HES7: variants seen among roughly 807,000 people sequenced by gnomAD.
The protein encoded by HES7 is hes family bHLH transcription factor 7, also known as transcription factor HES-7.
A neutral mutation model predicts 18.0 loss-of-function variants in HES7; 8 were observed. That is an observed-to-expected ratio of 0.45 (90% CI 0.26 to 0.80). HES7 has a LOEUF of 0.80. HES7 is among the 30% of genes least tolerant of loss of function. The probability of loss-of-function intolerance (pLI) is 0.18; values close to 1 mark genes in which losing one functional copy is unlikely to be tolerated. For synonymous variants in HES7, 170 were observed against 158.6 expected (o/e 1.07, Z -0.54); for missense variants, 356 against 340.9 (o/e 1.04, Z -0.35).
chr17:8,125,826 TTTTC>T (rs1188329821), upstream of HES7, among the ~76,000 whole-genome samples: 1 of 152,238 alleles, frequency 6.6e-6, no homozygotes, highest in African/African-American at 2.4e-5. Context: ...ACGAGTACAG[TTTTC>T]TTTTCTCCCC....
upstream of HES7, chr17:8,124,164 G>A: frequency 6.4e-7 from 1 of 1,561,432 alleles, no homozygotes; most frequent in Non-Finnish European, 8.8e-7. Context: ...AGGAGGGATA[G>A]GACCCGACCC....
In HES7 at chr17:8,123,039, G is replaced by T. The variant is rs781290618; in HGVS notation, c.130C>A (p.Arg44=). 2 of 1,598,222 alleles carry T rather than the reference G, an allele frequency of 1.3e-6. No homozygotes were observed. The highest frequency in any genetic ancestry group is 8.5e-7 in the Non-Finnish European group (1 of 1,172,530). Residue 44 remains arginine, a synonymous_variant, in exon 2 of 4, where the codon CGG becomes AGG. Transcript: ENST00000541682. This position sits in a 1 kb window ranked among gnomAD's most constrained non-coding sequence, Gnocchi z 5.9. ...ELRLLLLERT[R]DQNLRNPKLE... ...CTAGCGGAGGGACTGACCTGGTCCC[G>T]GGTCCGCTCCAGCAGCAGCAGCCTC...
At position 8,122,437 on chromosome 17, in the gene HES7, A is replaced by T; in HGVS notation, c.139-7T>A. 14 of 1,560,132 alleles carry T rather than the reference A, an allele frequency of 9.0e-6. No homozygotes were observed. The highest frequency in any genetic ancestry group is 1.2e-5 in the Non-Finnish European group (14 of 1,148,752). On this transcript the variant is annotated splice_polypyrimidine_tract_variant and splice_region_variant and intron_variant, in intron 2 of 3. Transcript: ENST00000541682. This position sits in a 1 kb window ranked among gnomAD's most constrained non-coding sequence, Gnocchi z 6.9. ...GCTTCGGGTTCCGGAGGTTCTACAG[A>T]CGGGAGGGGAGGGCGCAGAGACAGA...
In HES7 at chr17:8,123,960, G is replaced by A. The variant is rs1981493269; in HGVS notation, c.42+83C>T. The A allele has an allele frequency of 6.7e-7, 1 of 1,494,850 alleles. No individual in the cohort carries two copies. Among genetic ancestry groups the A allele is most frequent in the African/African-American group, 1.4e-5 (1 of 72,332 alleles). 92.6% of individuals were successfully genotyped at this position (1,494,850 alleles called of 1,614,324 possible). ...CTCCCCTTCCACCCCTGCGTCCCCA[G>A]CCTCTCTCCAGACCGACGGCGTCAG... On this transcript the variant is annotated intron_variant, in intron 1 of 3. Coordinates refer to ENST00000541682, the MANE Select transcript of HES7 (RefSeq NM_001165967.2). The surrounding 1 kb of genome is among the most constrained non-coding windows in gnomAD (Gnocchi z 5.9).
rs988929677 is a variant in HES7, at chr17:8,121,518, G to A, written c.*53C>T. 20 of 1,264,844 alleles carry A rather than the reference G, an allele frequency of 1.6e-5. No homozygotes were observed. The highest frequency in any genetic ancestry group is 4.2e-5 in the Admixed American group (1 of 23,872). 78.4% of individuals were successfully genotyped at this position (1,264,844 alleles called of 1,614,324 possible). Reference sequence around the variant, plus strand: ...ACGCCCGGGTCCCTCTGCTGCCCTCGGGCTGGAGTCTCTACCCCACCCCTA... The same window carrying A: ...ACGCCCGGGTCCCTCTGCTGCCCTCAGGCTGGAGTCTCTACCCCACCCCTA... On this transcript the variant is annotated 3_prime_UTR_variant, in exon 4 of 4. Coordinates refer to ENST00000541682, the MANE Select transcript of HES7 (RefSeq NM_001165967.2).
rs570742194 is a variant in HES7 at position 8,122,536 on chromosome 17, C to G, written c.139-106G>C. ...CGGATGCGGGAGCTGGTGGTGCCCCCGATCGCATTTGCGCACTGCCCACAG... is the reference window on the plus strand; with the variant it reads ...CGGATGCGGGAGCTGGTGGTGCCCCGGATCGCATTTGCGCACTGCCCACAG... On this transcript the variant is annotated intron_variant, in intron 2 of 3. Coordinates refer to ENST00000541682, the MANE Select transcript of HES7 (RefSeq NM_001165967.2). This position sits in a 1 kb window ranked among gnomAD's most constrained non-coding sequence, Gnocchi z 6.9. 1.5e-5 allele frequency: 12 copies of G among 813,214 alleles called. No individual in the cohort carries two copies. The African/African-American group carries it at 1.5e-4, about 10-fold the overall frequency. 50.4% of individuals were successfully genotyped at this position (813,214 alleles called of 1,614,324 possible).
Position 8,121,682 on chromosome 17 carries a change from C to T in HES7, c.582G>A (p.Ala194=). 1 of 1,326,008 alleles carries T rather than the reference C, an allele frequency of 7.5e-7. No individual in the cohort carries two copies. Among genetic ancestry groups the T allele is most frequent in the Middle Eastern group, 2.8e-4 (1 of 3,558 alleles). 82.1% of individuals were successfully genotyped at this position (1,326,008 alleles called of 1,614,324 possible). Residue 194 remains alanine (A), a synonymous_variant, in exon 4 of 4, where the codon GCG becomes GCA. Transcript: ENST00000541682. ...GCAGCAGTCCGGTGAGGGGCGCCGG[C>T]GCGCCAGAATCCCCGGCGCGCGGGG... is the stretch of plus-strand genomic sequence containing the variant. ...LCSPRAGDSG[A]PAPLTGLLPP...
chr17:8,125,799 C>A (rs926770053), upstream of HES7, among the ~76,000 whole-genome samples: 1 of 152,196 alleles, frequency 6.6e-6, no homozygotes, highest in Admixed American at 6.5e-5. Context: ...GGCCCGGGTT[C>A]GATTCCCGGC....
chr17:8,126,253 C>CT (rs2151855611), upstream of HES7, among the ~76,000 whole-genome samples: 1 of 152,316 alleles, frequency 6.6e-6, no homozygotes, highest in Non-Finnish European at 1.5e-5. Flanking sequence ...TTCCGGGTCT[C>CT]TGAGTGTCTC....
chr17:8,123,215 C>T lies in HES7; in HGVS notation c.43-89G>A, dbSNP rs760984393. ...GTCGGATCCCGCCGCTGGGAGAGCCCGGCTTCCACCCCGGCCACAAGACCC... is the reference window on the plus strand; with the variant it reads ...GTCGGATCCCGCCGCTGGGAGAGCCTGGCTTCCACCCCGGCCACAAGACCC... On this transcript the variant is annotated intron_variant, in intron 1 of 3. Transcript: ENST00000541682. This position sits in a 1 kb window ranked among gnomAD's most constrained non-coding sequence, Gnocchi z 5.9. 1 of 1,016,930 alleles carries T rather than the reference C, an allele frequency of 9.8e-7. No homozygotes were observed. Among genetic ancestry groups the T allele is most frequent in the Admixed American group, 2.0e-5 (1 of 50,182 alleles). The allele number at this position is 1,016,930 out of a possible 1,614,324, so 63.0% of individuals were successfully genotyped here.
upstream of HES7, chr17:8,124,242 T>TGAA: frequency 1.1e-6 from 1 of 877,976 alleles, no homozygotes. Context: ...AGAGGAGGAG[T>TGAA]GAAGGGGGGA....
rs750219149 is a variant in HES7 at position 8,123,038 on chromosome 17, C to G, written c.131G>C (p.Arg44Pro). ...ELRLLLLERT[R>P]DQNLRNPKLE... ...GCTAGCGGAGGGACTGACCTGGTCC[C>G]GGGTCCGCTCCAGCAGCAGCAGCCT... Residue 44 changes from arginine (R) to proline (P), a missense_variant, in exon 2 of 4, where the codon CGG becomes CCG. Transcript: ENST00000541682. The surrounding 1 kb of genome is among the most constrained non-coding windows in gnomAD (Gnocchi z 5.9). The G allele has an allele frequency of 6.3e-7, 1 of 1,597,534 alleles. No homozygotes were observed. Among genetic ancestry groups the G allele is most frequent in the African/African-American group, 1.3e-5 (1 of 74,556 alleles).
rs1414710976 is a variant in HES7 at position 8,121,507 on chromosome 17, C to G, written c.*64G>C. Reference sequence around the variant, plus strand: ...TGCTCGCCCGGACGCCCGGGTCCCTCTGCTGCCCTCGGGCTGGAGTCTCTA... The same window carrying G: ...TGCTCGCCCGGACGCCCGGGTCCCTGTGCTGCCCTCGGGCTGGAGTCTCTA... On this transcript the variant is annotated 3_prime_UTR_variant, in exon 4 of 4. Coordinates refer to ENST00000541682, the MANE Select transcript of HES7 (RefSeq NM_001165967.2). 1 of 1,257,206 alleles carries G rather than the reference C, an allele frequency of 8.0e-7. No homozygotes were observed. Among genetic ancestry groups the G allele is most frequent in the Non-Finnish European group, 1.0e-6 (1 of 1,000,910 alleles). 77.9% of individuals were successfully genotyped at this position (1,257,206 alleles called of 1,614,324 possible).
In HES7 at chr17:8,121,837, G is replaced by A; in HGVS notation, c.427C>T (p.Pro143Ser). Residue 143 changes from proline to serine, a missense_variant, in exon 4 of 4, where the codon CCG (proline) becomes TCG (serine). Transcript: ENST00000541682. ...GATGGGCGCGGCGCTGGAGGCCTCG[G>A]ATCTACCGGCTTGGGCCGGGGCGGT... ...PKPPRPKPVD[P>S]RPPAPRPSLD... 6.4e-7 allele frequency: 1 copy of A among 1,571,980 alleles called. No individual in the cohort carries two copies.
rs1173039818 is a variant in HES7 at position 8,122,022 on chromosome 17, C to T, written c.242G>A (p.Gly81Glu). 2 of 1,512,918 alleles carry T rather than the reference C, an allele frequency of 1.3e-6. No homozygotes were observed. Among genetic ancestry groups the T allele is most frequent in the Middle Eastern group, 2.0e-4 (1 of 4,954 alleles). 93.7% of individuals were successfully genotyped at this position (1,512,918 alleles called of 1,614,324 possible). The change falls in exon 4 of 4, where the codon GGG becomes GAG. Residue 81 changes from glycine (G) to glutamate (E), a missense_variant. Physicochemically the swap from Gly to Glu is moderately conservative, Grantham distance 98. Coordinates refer to ENST00000541682, the MANE Select transcript of HES7 (RefSeq NM_001165967.2). The surrounding 1 kb of genome is among the most constrained non-coding windows in gnomAD (Gnocchi z 6.9). ...RVEPPAAAAP[G>E]VPRSPVQDAE... ...GTCCTGGACTGGGGACCGGGGAACCCCTGGAGCCGCGGCGGCTGGTGCGGC... is the reference window on the plus strand; with the variant it reads ...GTCCTGGACTGGGGACCGGGGAACCTCTGGAGCCGCGGCGGCTGGTGCGGC...
chr17:8,121,413 G>T lies in HES7; in HGVS notation c.*158C>A. ...AACCAGGGAAATATATATTTATATA[G>T]ATACTCTAATATAGACCACATCTCA... On this transcript the variant is annotated 3_prime_UTR_variant, in exon 4 of 4. Coordinates refer to ENST00000541682, the MANE Select transcript of HES7 (RefSeq NM_001165967.2). 1 of 439,258 alleles carries T rather than the reference G, an allele frequency of 2.3e-6. No individual in the cohort carries two copies. Among genetic ancestry groups the T allele is most frequent in the Non-Finnish European group, 3.8e-6 (1 of 263,632 alleles). 27.2% of individuals were successfully genotyped at this position (439,258 alleles called of 1,614,324 possible). A position where few individuals can be genotyped will look rare whatever the true frequency, so the allele number is the denominator to read the frequency against.
In HES7 at chr17:8,122,317, T is replaced by C. The variant is rs777589200; in HGVS notation, c.226+26A>G. 1.4e-4 allele frequency: 112 copies of C among 827,832 alleles called. No individual in the cohort carries two copies. Among genetic ancestry groups the C allele is most frequent in the Non-Finnish European group, 1.9e-4 (100 of 529,458 alleles). The allele number at this position is 827,832 out of a possible 1,614,324, so 51.3% of individuals were successfully genotyped here. A position where few individuals can be genotyped will look rare whatever the true frequency, so the allele number is the denominator to read the frequency against. On this transcript the variant is annotated intron_variant, in intron 3 of 3. Transcript: ENST00000541682. This position sits in a 1 kb window ranked among gnomAD's most constrained non-coding sequence, Gnocchi z 6.9. ...CCTCCTGGCGTCCCCCCTCCCTCCC[T>C]CCGCTGCCCCACCCCCGCGCTGTAC...
Position 8,121,692 on chromosome 17 carries a change from T to A in HES7, c.572A>T (p.Asp191Val). Residue 191 changes from aspartate to valine, a missense_variant, in exon 4 of 4, where the codon GAT (aspartate) becomes GTT (valine). Coordinates refer to ENST00000541682, the MANE Select transcript of HES7 (RefSeq NM_001165967.2). The stretch of plus-strand genomic sequence containing the variant: ...GGTGAGGGGCGCCGGCGCGCCAGAA[T>A]CCCCGGCGCGCGGGGAGCAGAGGGA... ...SPSLCSPRAG[D>V]SGAPAPLTGL... 7.5e-7 allele frequency: 1 copy of A among 1,326,350 alleles called. No homozygotes were observed. 82.2% of individuals were successfully genotyped at this position (1,326,350 alleles called of 1,614,324 possible).
chr17:8,122,463 A>C lies in HES7; in HGVS notation c.139-33T>G. ...CGGGAGGGGAGGGCGCAGAGACAGA[A>C]AGGGGTGGGGAGAAAGGGGGAAAGT... On this transcript the variant is annotated intron_variant, in intron 2 of 3. Transcript: ENST00000541682. This position sits in a 1 kb window ranked among gnomAD's most constrained non-coding sequence, Gnocchi z 6.9. The C allele has an allele frequency of 7.1e-7, 1 of 1,412,474 alleles. No homozygotes were observed. The highest frequency in any genetic ancestry group is 9.8e-7 in the Non-Finnish European group (1 of 1,019,274). 87.5% of individuals were successfully genotyped at this position (1,412,474 alleles called of 1,614,324 possible).
Sources: gnomAD v4.1 joint callset for allele counts (sites outside exome capture counted in the v4.1 genomes callset) on GRCh38, gnomAD v4.1.1 for gene constraint, Gnocchi (gnomAD v3.1) non-coding constraint, MANE v1.5 for transcripts, NCBI Gene and HGNC (gene_info 2026-07-23, HGNC 2026-07-21) for gene names.